The following DNAJB7 variants were observed in gnomAD, a reference collection of about 807,000 sequenced individuals.
DNAJB7 encodes the protein DnaJ heat shock protein family (Hsp40) member B7.
Under a neutral mutation model 1.2 loss-of-function variants are expected in DNAJB7, and 1 was observed. The observed-to-expected ratio is 0.84, with a 90% CI of 0.30 to 4.01. The LOEUF is 4.01. DNAJB7 is among the 30% of genes most tolerant of loss of function. The pLI, the probability that DNAJB7 is intolerant of heterozygous loss-of-function variation, is 0.18. For missense variants in DNAJB7, 420 were observed against 358.5 expected (o/e 1.17, Z -1.39); for synonymous variants, 128 against 127.7 (o/e 1.00, Z -0.01).
Position 40,861,631 on chromosome 22 carries a change from G to A in DNAJB7, c.364C>T (p.Arg122Cys), listed in dbSNP as rs373801186. 49 of 1,613,408 alleles carry A rather than the reference G, an allele frequency of 3.0e-5. No individual in the cohort carries two copies. The highest frequency in any genetic ancestry group is 3.5e-5 in the Non-Finnish European group (41 of 1,179,898). ...FEDSLEDLLN[R>C]PGSSYGNRNR... is the part of the protein sequence containing the mutation. ...CTGTTTCCATAGGAGCTTCCTGGAC[G>A]ATTTAACAGGTCCTCAAGCGAGTCT... Residue 122 changes from arginine (R) to cysteine (C), a missense_variant, in exon 1 of 1, where the codon CGT (arginine) becomes TGT (cysteine). Arg to Cys is a radical substitution (Grantham distance 180). Coordinates refer to ENST00000307221, the MANE Select transcript of DNAJB7 (RefSeq NM_145174.2).
Position 40,861,428 on chromosome 22 carries a change from AGTT to A in DNAJB7, c.564_566del (p.Thr189del), listed in dbSNP as rs1347031576. 3 of 1,613,700 alleles carry A rather than the reference AGTT, an allele frequency of 1.9e-6. No individual in the cohort carries two copies. The African/African-American group carries it at 4.0e-5, about 22-fold the overall frequency. ...TTCTGCCATTAACGATTTTGTCTGAAGTTGTAACAGATATGTAGTTGTCCATCC... is the reference window on the plus strand; with the variant it reads ...TTCTGCCATTAACGATTTTGTCTGAAGTAACAGATATGTAGTTGTCCATCC... On this transcript the variant is annotated inframe_deletion, in exon 1 of 1. Coordinates refer to ENST00000307221, the MANE Select transcript of DNAJB7 (RefSeq NM_145174.2).
chr22:40,861,318 CTATT>C, the DNAJB7 span: 3 of 1,614,140 alleles, frequency 1.9e-6, no homozygotes, highest in Non-Finnish European at 2.5e-6. Flanking sequence ...ATTGGCCACA[CTATT>C]TACAAGAAAA....
chr22:40,861,502 G>A lies in DNAJB7; in HGVS notation c.493C>T (p.His165Tyr), dbSNP rs1349115354. 1 of 1,614,154 alleles carries A rather than the reference G, an allele frequency of 6.2e-7. No homozygotes were observed. Among genetic ancestry groups the A allele is most frequent in the East Asian group, 2.2e-5 (1 of 44,874 alleles). The change falls in exon 1 of 1, where the codon CAT becomes TAT. Residue 165 changes from histidine to tyrosine, a missense_variant. Coordinates refer to ENST00000307221, the MANE Select transcript of DNAJB7 (RefSeq NM_145174.2). ...TGYTSQGSLGHEGLTSFSSLA... is the reference protein window; with the variant it reads ...TGYTSQGSLGYEGLTSFSSLA... ...GAAGAGAAAGAAGTAAGGCCTTCAT[G>A]CCCCAATGAACCCTGTGATGTATAT...
chr22:40,860,569 G>C lies in DNAJB7; in HGVS notation c.*496C>G. The C allele has an allele frequency of 9.2e-7, 1 of 1,089,408 alleles. No homozygotes were observed. Among genetic ancestry groups the C allele is most frequent in the South Asian group, 2.2e-5 (1 of 44,648 alleles). 67.5% of individuals were successfully genotyped at this position (1,089,408 alleles called of 1,614,324 possible). ...GCATGTTTCGTAAGTTTGTATAGTG[G>C]TTTTAATTAGAAAAAAGAAAAATAG... On this transcript the variant is annotated 3_prime_UTR_variant, in exon 1 of 1. Coordinates refer to ENST00000307221, the MANE Select transcript of DNAJB7 (RefSeq NM_145174.2).
In DNAJB7 at chr22:40,860,996, T is replaced by G. The variant is rs966522762; in HGVS notation, c.*69A>C. ...GCTCTTAGTATAGTATTAAGTGTTATCTACAAAATTTGTGATTAACCAAAA... is the reference window on the plus strand; with the variant it reads ...GCTCTTAGTATAGTATTAAGTGTTAGCTACAAAATTTGTGATTAACCAAAA... On this transcript the variant is annotated 3_prime_UTR_variant, in exon 1 of 1. Transcript: ENST00000307221. The G allele has an allele frequency of 6.4e-6, 9 of 1,415,278 alleles. No individual in the cohort carries two copies. Among genetic ancestry groups the G allele is most frequent in the Non-Finnish European group, 8.6e-6 (9 of 1,043,576 alleles). 87.7% of individuals were successfully genotyped at this position (1,415,278 alleles called of 1,614,324 possible).
At position 40,861,046 on chromosome 22, in the gene DNAJB7, A is replaced by G; in HGVS notation, c.*19T>C. On this transcript the variant is annotated 3_prime_UTR_variant, in exon 1 of 1. Coordinates refer to ENST00000307221, the MANE Select transcript of DNAJB7 (RefSeq NM_145174.2). ...ACACACACAATTGTGTTCAAATGTT[A>G]TATATTTGAAGAGTCAATTTAACAA... 6.4e-7 allele frequency: 1 copy of G among 1,553,536 alleles called. No homozygotes were observed. The highest frequency in any genetic ancestry group is 8.7e-7 in the Non-Finnish European group (1 of 1,152,400).
rs1368828909 is a variant in DNAJB7, at chr22:40,859,643, C to T, written c.*1422G>A. The T allele has an allele frequency of 6.6e-6, 1 of 152,142 alleles. No homozygotes were observed. The highest frequency in any genetic ancestry group is 1.5e-5 in the Non-Finnish European group (1 of 68,028). The allele number at this position is 152,142 out of a possible 1,614,324, so 9.4% of individuals were successfully genotyped here. ...CTCTTCTATAGAATAAATAACCTTT[C>T]CTTCTCCCATCTGCCCACTAAAAAT... On this transcript the variant is annotated 3_prime_UTR_variant, in exon 1 of 1. Transcript: ENST00000307221.
chr22:40,860,995 A>G lies in DNAJB7; in HGVS notation c.*70T>C, dbSNP rs939510828. 1.4e-4 allele frequency: 201 copies of G among 1,412,680 alleles called. No homozygotes were observed. Among genetic ancestry groups the G allele is most frequent in the Non-Finnish European group, 1.8e-4 (185 of 1,041,624 alleles). 87.5% of individuals were successfully genotyped at this position (1,412,680 alleles called of 1,614,324 possible). A position where few individuals can be genotyped will look rare whatever the true frequency, so the allele number is the denominator to read the frequency against. On this transcript the variant is annotated 3_prime_UTR_variant, in exon 1 of 1. Transcript: ENST00000307221. ...AGCTCTTAGTATAGTATTAAGTGTTATCTACAAAATTTGTGATTAACCAAA... is the reference window on the plus strand; with the variant it reads ...AGCTCTTAGTATAGTATTAAGTGTTGTCTACAAAATTTGTGATTAACCAAA...
Position 40,860,627 on chromosome 22 carries a change from TA to T in DNAJB7, c.*437del, listed in dbSNP as rs977756771. The T allele has an allele frequency of 7.7e-7, 1 of 1,300,800 alleles. No individual in the cohort carries two copies. The highest frequency in any genetic ancestry group is 1.0e-6 in the Non-Finnish European group (1 of 970,982). 80.6% of individuals were successfully genotyped at this position (1,300,800 alleles called of 1,614,324 possible). ...ACTCTACTAAAGAAAAATTCAAAAG[TA>T]AAAAACTCATTGCAGTTTTCCAAAT... On this transcript the variant is annotated 3_prime_UTR_variant, in exon 1 of 1. Coordinates refer to ENST00000307221, the MANE Select transcript of DNAJB7 (RefSeq NM_145174.2).
Position 40,860,745 on chromosome 22 carries a change from C to T in DNAJB7, c.*320G>A. 1 of 771,394 alleles carries T rather than the reference C, an allele frequency of 1.3e-6. No individual in the cohort carries two copies. 47.8% of individuals were successfully genotyped at this position (771,394 alleles called of 1,614,324 possible). A position where few individuals can be genotyped will look rare whatever the true frequency, so the allele number is the denominator to read the frequency against. Reference sequence around the variant, plus strand: ...CCATTACACTGCAACCTATGTCTTCCAGGCTCAAGCAGTCTTTCTACCAGC... The same window carrying T: ...CCATTACACTGCAACCTATGTCTTCTAGGCTCAAGCAGTCTTTCTACCAGC... On this transcript the variant is annotated 3_prime_UTR_variant, in exon 1 of 1. Transcript: ENST00000307221.
chr22:40,862,021 GT>G lies in DNAJB7; in HGVS notation c.-28del. 6.4e-7 allele frequency: 1 copy of G among 1,558,886 alleles called. No individual in the cohort carries two copies. The highest frequency in any genetic ancestry group is 8.6e-7 in the Non-Finnish European group (1 of 1,158,158). On this transcript the variant is annotated 5_prime_UTR_variant, in exon 1 of 1. Transcript: ENST00000307221. ...TTTTAACAGATAGTTGGAAGTGGGT[GT>G]GCTGGGTATTGAGAACCGTGGTTTC...
rs766942637 is a variant in DNAJB7, at chr22:40,861,723, T to C, written c.272A>G (p.His91Arg). The change falls in exon 1 of 1, where the codon CAT (histidine) becomes CGT (arginine). Residue 91 changes from histidine to arginine, a missense_variant. Transcript: ENST00000307221. Reference sequence around the variant, plus strand: ...TTCTTTAAAAACATCATCTGGCTTATGGAATGTGAAGCCGTACTCACATTC... The same window carrying C: ...TTCTTTAAAAACATCATCTGGCTTACGGAATGTGAAGCCGTACTCACATTC... ...DDECEYGFTFHKPDDVFKEIF... is the reference protein window; with the variant it reads ...DDECEYGFTFRKPDDVFKEIF... The C allele has an allele frequency of 4.3e-6, 7 of 1,613,980 alleles. No homozygotes were observed. In the South Asian group the frequency reaches 7.7e-5, roughly 18 times the overall value.
rs2057935897 is a variant in DNAJB7, at chr22:40,860,447, A to G, written c.*618T>C. ...TTGTAGTACCTTTAAGTTATAATGC[A>G]TCAAATGCTGTTCCTCCATTGGAAA... is the stretch of plus-strand genomic sequence containing the variant. On this transcript the variant is annotated 3_prime_UTR_variant, in exon 1 of 1. Transcript: ENST00000307221. 1 of 360,326 alleles carries G rather than the reference A, an allele frequency of 2.8e-6. No homozygotes were observed. Among genetic ancestry groups the G allele is most frequent in the African/African-American group, 2.1e-5 (1 of 47,598 alleles). The allele number at this position is 360,326 out of a possible 1,614,324, so 22.3% of individuals were successfully genotyped here.
In DNAJB7 at chr22:40,861,572, G is replaced by A. The variant is rs1346848804; in HGVS notation, c.423C>T (p.Ala141=). The change falls in exon 1 of 1, where the codon GCC becomes GCT. Residue 141 remains alanine (A), a synonymous_variant. Coordinates refer to ENST00000307221, the MANE Select transcript of DNAJB7 (RefSeq NM_145174.2). ...NRDAGYFFST[A]SEYPIFEKFS... The stretch of plus-strand genomic sequence containing the variant: ...ATTTCTCAAAAATTGGATATTCACT[G>A]GCAGTGGAGAAAAAGTATCCTGCAT... The A allele has an allele frequency of 1.2e-6, 2 of 1,613,166 alleles. No homozygotes were observed. The highest frequency in any genetic ancestry group is 1.7e-5 in the Admixed American group (1 of 59,850).
rs1184812843 is a variant in DNAJB7, at chr22:40,860,563, A to G, written c.*502T>C. ...TGCTATGCATGTTTCGTAAGTTTGT[A>G]TAGTGGTTTTAATTAGAAAAAAGAA... is the stretch of plus-strand genomic sequence containing the variant. On this transcript the variant is annotated 3_prime_UTR_variant, in exon 1 of 1. Coordinates refer to ENST00000307221, the MANE Select transcript of DNAJB7 (RefSeq NM_145174.2). 11 of 1,022,934 alleles carry G rather than the reference A, an allele frequency of 1.1e-5. No homozygotes were observed. Among genetic ancestry groups the G allele is most frequent in the African/African-American group, 6.6e-5 (4 of 60,814 alleles). The allele number at this position is 1,022,934 out of a possible 1,614,324, so 63.4% of individuals were successfully genotyped here.
At position 40,862,096 on chromosome 22, in the gene DNAJB7, T is replaced by G; in HGVS notation, c.-102A>C. On this transcript the variant is annotated 5_prime_UTR_variant, in exon 1 of 1. Coordinates refer to ENST00000307221, the MANE Select transcript of DNAJB7 (RefSeq NM_145174.2). ...TGGTGATAGAGGTAGTGACTGCAAA[T>G]AGGTACACTTTTATGTTAAAGACAA... The G allele has an allele frequency of 4.6e-6, 7 of 1,511,364 alleles. No individual in the cohort carries two copies. Among genetic ancestry groups the G allele is most frequent in the Non-Finnish European group, 6.2e-6 (7 of 1,135,844 alleles). 93.6% of individuals were successfully genotyped at this position (1,511,364 alleles called of 1,614,324 possible).
chr22:40,859,984 T>C lies in DNAJB7; in HGVS notation c.*1081A>G, dbSNP rs577976761. 2.0e-5 allele frequency: 3 copies of C among 152,350 alleles called. No homozygotes were observed. The highest frequency in any genetic ancestry group is 1.3e-4 in the Admixed American group (2 of 15,306). 9.4% of individuals were successfully genotyped at this position (152,350 alleles called of 1,614,324 possible). A position where few individuals can be genotyped will look rare whatever the true frequency, so the allele number is the denominator to read the frequency against. On this transcript the variant is annotated 3_prime_UTR_variant, in exon 1 of 1. Transcript: ENST00000307221. ...TTCACTGATGGCCTACCATACAGACTGCTCTGAGGAATTCAGGATAAGACT... is the reference window on the plus strand; with the variant it reads ...TTCACTGATGGCCTACCATACAGACCGCTCTGAGGAATTCAGGATAAGACT...
rs1017944599 is a variant in DNAJB7, at chr22:40,860,718, T to A, written c.*347A>T. Reference sequence around the variant, plus strand: ...CCCAAGCTGGAGTGCAGTGGCGTGATCCCATTACACTGCAACCTATGTCTT... The same window carrying A: ...CCCAAGCTGGAGTGCAGTGGCGTGAACCCATTACACTGCAACCTATGTCTT... On this transcript the variant is annotated 3_prime_UTR_variant, in exon 1 of 1. Transcript: ENST00000307221. 2.1e-6 allele frequency: 2 copies of A among 952,748 alleles called. No homozygotes were observed. The highest frequency in any genetic ancestry group is 3.1e-6 in the Non-Finnish European group (2 of 641,226). The allele number at this position is 952,748 out of a possible 1,614,324, so 59.0% of individuals were successfully genotyped here. A position where few individuals can be genotyped will look rare whatever the true frequency, so the allele number is the denominator to read the frequency against.
In DNAJB7 at chr22:40,860,585, A is replaced by G. The variant is rs1162323293; in HGVS notation, c.*480T>C. The G allele has an allele frequency of 8.4e-7, 1 of 1,197,108 alleles. No individual in the cohort carries two copies. The highest frequency in any genetic ancestry group is 2.7e-5 in the East Asian group (1 of 36,992). 74.2% of individuals were successfully genotyped at this position (1,197,108 alleles called of 1,614,324 possible). A position where few individuals can be genotyped will look rare whatever the true frequency, so the allele number is the denominator to read the frequency against. On this transcript the variant is annotated 3_prime_UTR_variant, in exon 1 of 1. Transcript: ENST00000307221. Reference sequence around the variant, plus strand: ...TGTATAGTGGTTTTAATTAGAAAAAAGAAAAATAGGCTATAAACTCTACTA... The same window carrying G: ...TGTATAGTGGTTTTAATTAGAAAAAGGAAAAATAGGCTATAAACTCTACTA...
Sources: allele counts gnomAD v4.1 joint callset, GRCh38; gene constraint gnomAD v4.1.1; transcripts MANE v1.5; gene names NCBI Gene and HGNC (gene_info 2026-07-23, HGNC 2026-07-21).